Variants in CSPG4 observed in about 807,000 individuals in gnomAD.
CSPG4 encodes chondroitin sulfate proteoglycan 4 (melanoma-associated).
Under a neutral mutation model 139.3 loss-of-function variants are expected in CSPG4, and 74 were observed. That is an observed-to-expected ratio of 0.53 (90% confidence interval 0.44 to 0.64). CSPG4 has a LOEUF of 0.64. CSPG4 is among the 30% of genes least tolerant of loss of function. CSPG4 has a pLI of 0.00. For missense variants in CSPG4, 2,565 were observed against 3,148.3 expected (o/e 0.81, Z 4.43); for synonymous variants, 1,234 against 1,394.2 (o/e 0.89, Z 2.56).
At chr15:75,694,255 T>C (rs116369127) in intron 1 of CSPG4, among the ~76,000 whole-genome samples, 3,185 of 152,346 alleles carry the variant, frequency 0.021, 114 homozygotes, top group African/African-American at 0.071. Context: ...TGTCCCATAC[T>C]GGGACTCCTC....
At position 75,712,627 on chromosome 15, in the gene CSPG4, G is replaced by C. The variant is rs1894460895; in HGVS notation, c.88+41C>G. 3.3e-6 allele frequency: 5 copies of C among 1,534,550 alleles called. No homozygotes were observed. In the East Asian group the frequency reaches 1.2e-4, roughly 38 times the overall value. On this transcript the variant is annotated intron_variant, in intron 1 of 9. Transcript: ENST00000308508. ...TTTCCCTCCCGGAGGAACCCCTCTA[G>C]TTCCGCCAGGCTGGGTCGGGGTCTC...
chr15:75,677,317 CAA>C lies in CSPG4; in HGVS notation c.5200_5201del (p.Leu1734GlyfsTer12), dbSNP rs1473849001. The C allele has an allele frequency of 7.0e-7, 1 of 1,426,832 alleles. No individual in the cohort carries two copies. 88.4% of individuals were successfully genotyped at this position (1,426,832 alleles called of 1,614,324 possible). On this transcript the variant is annotated frameshift_variant, in exon 10 of 10. Coordinates refer to ENST00000308508, the MANE Select transcript of CSPG4 (RefSeq NM_001897.5). LOFTEE classifies it low-confidence loss of function (END_TRUNC). ...AGCGCTGGGGTGATGGAACGCTGGC[CAA>C]GAGATTGGAGGCATCCAGAGCAGCC... ...TVAALDASNL[L>X]ASVPSPQRSE...
rs754398286 is a variant in CSPG4 at position 75,688,381 on chromosome 15, C to T, written c.2684G>A (p.Gly895Asp). 1.9e-6 allele frequency: 3 copies of T among 1,613,354 alleles called. No homozygotes were observed. Among genetic ancestry groups the T allele is most frequent in the South Asian group, 2.2e-5 (2 of 91,080 alleles). The change falls in exon 3 of 10, where the codon GGT becomes GAT. Residue 895 changes from glycine (G) to aspartate (D), a missense_variant. This residue lies in a region of CSPG4 where 2,316 missense variants were observed against 2,818.2 expected (regional missense o/e 0.82). Coordinates refer to ENST00000308508, the MANE Select transcript of CSPG4 (RefSeq NM_001897.5). ...PLYTFPIHIG[G>D]DPDAPVLTNV... ...GGTGAGGACAGGCGCATCTGGGTCA[C>T]CACCAATGTGGATGGGGAAGGTATA... is the stretch of plus-strand genomic sequence containing the variant.
At chr15:75,700,947 T>C (rs1219982793) in intron 1 of CSPG4, among the ~76,000 whole-genome samples, 2 of 152,086 alleles carry the variant, frequency 1.3e-5, no homozygotes, top group East Asian at 3.9e-4. Context: ...CAGACAGAAG[T>C]CCATGTCCAG....
chr15:75,684,533 A>G (rs1894024624), intron 5 of CSPG4, among the ~76,000 whole-genome samples: 1 of 152,218 alleles, frequency 6.6e-6, no homozygotes, highest in Non-Finnish European at 1.5e-5. Flanking sequence ...CAAACATCCA[A>G]TAAAAAAACT....
Position 75,677,816 on chromosome 15 carries a change from A to G in CSPG4, c.5021T>C (p.Leu1674Pro). The G allele has an allele frequency of 6.2e-7, 1 of 1,612,328 alleles. No homozygotes were observed. The highest frequency in any genetic ancestry group is 8.5e-7 in the Non-Finnish European group (1 of 1,179,228). ...AGGCGGCGAGGACAGCTGGAGCTCT[A>G]GGGTATCATGGGCCTCCCAAAAGGG... ...PEPFWEAHDT[L>P]ELQLSSPPAR... The change falls in exon 9 of 10, where the codon CTA becomes CCA. Residue 1674 changes from leucine to proline, a missense_variant. This residue lies in a region of CSPG4 where 2,316 missense variants were observed against 2,818.2 expected (regional missense o/e 0.82). Transcript: ENST00000308508.
Position 75,687,906 on chromosome 15 carries a change from G to A in CSPG4, c.3159C>T (p.Asp1053=), listed in dbSNP as rs201069796. The A allele has an allele frequency of 1.4e-5, 23 of 1,612,950 alleles. 1 individual carries two copies. Among genetic ancestry groups the A allele is most frequent in the Middle Eastern group, 3.3e-4 (2 of 6,062 alleles). ...AFSDADSGFA[D]AQLVLTRKDL... The stretch of plus-strand genomic sequence containing the variant: ...CCTTGCGGGTAAGCACCAGCTGGGC[G>A]TCAGCAAAGCCCGAGTCAGCATCGC... The change falls in exon 3 of 10, where the codon GAC becomes GAT. Residue 1053 remains aspartate (D), a synonymous_variant. Coordinates refer to ENST00000308508, the MANE Select transcript of CSPG4 (RefSeq NM_001897.5). The surrounding 1 kb of genome is among the most constrained non-coding windows in gnomAD (Gnocchi z 5.4).
Position 75,689,698 on chromosome 15 carries a change from A to C in CSPG4, c.1367T>G (p.Leu456Arg), listed in dbSNP as rs1215107928. The change falls in exon 3 of 10, where the codon CTG becomes CGG. Residue 456 changes from leucine to arginine, a missense_variant. Physicochemically the swap from Leu to Arg is moderately radical, Grantham distance 102. Transcript: ENST00000308508. ...GCGCAGCTCAGCCTCCATCAGGTCCAGCGTGGGCTGCACATGCCTCCACTC... is the reference window on the plus strand; with the variant it reads ...GCGCAGCTCAGCCTCCATCAGGTCCCGCGTGGGCTGCACATGCCTCCACTC... Reference protein sequence around the residue: ...WLEWRHVQPTLDLMEAELRKS... With the variant: ...WLEWRHVQPTRDLMEAELRKS... 1 of 1,612,888 alleles carries C rather than the reference A, an allele frequency of 6.2e-7. No homozygotes were observed. The highest frequency in any genetic ancestry group is 8.5e-7 in the Non-Finnish European group (1 of 1,179,844).
intron 1 of CSPG4, among the ~76,000 whole-genome samples, chr15:75,701,181 A>G (rs1164770692): frequency 1.3e-5 from 2 of 152,318 alleles, no homozygotes; most frequent in Non-Finnish European, 2.9e-5. Flanking sequence ...CCACAGGTCT[A>G]GCCAGACTGG....
rs889996427 is a variant in CSPG4, at chr15:75,696,629, C to T, written c.89-3396G>A. Among the ~76,000 whole-genome samples the T allele has an allele frequency of 3.3e-5, 5 of 152,064 alleles. No homozygotes were observed. The East Asian group carries it at 5.8e-4, about 18-fold the overall frequency. ...GCTGGGCCTGGCTCCATGAAAGGGG[C>T]TGTGTGTTCTTGGAGGGTTCCTGCC... On this transcript the variant is annotated intron_variant, in intron 1 of 9. Transcript: ENST00000308508. The surrounding 1 kb of genome is among the most constrained non-coding windows in gnomAD (Gnocchi z 4.2).
At position 75,688,369 on chromosome 15, in the gene CSPG4, G is replaced by A. The variant is rs546450211; in HGVS notation, c.2696C>T (p.Ala899Val). ...FPIHIGGDPD[A>V]PVLTNVLLVV... ...GAGGAGGACATTGGTGAGGACAGGCGCATCTGGGTCACCACCAATGTGGAT... is the reference window on the plus strand; with the variant it reads ...GAGGAGGACATTGGTGAGGACAGGCACATCTGGGTCACCACCAATGTGGAT... The change falls in exon 3 of 10, where the codon GCG becomes GTG. Residue 899 changes from alanine (A) to valine (V), a missense_variant. Transcript: ENST00000308508. The A allele has an allele frequency of 1.2e-5, 20 of 1,613,358 alleles. No individual in the cohort carries two copies. Among genetic ancestry groups the A allele is most frequent in the East Asian group, 4.5e-5 (2 of 44,892 alleles).
intron 2 of CSPG4, 45 bp downstream of exon 2, chr15:75,693,025 A>G: frequency 1.1e-6 from 1 of 941,312 alleles, no homozygotes; most frequent in East Asian, 2.7e-5. Flanking sequence ...TAGAGAAGGA[A>G]TCCCACCCCG....
rs754919395 is a variant in CSPG4 at position 75,689,422 on chromosome 15, G to T, written c.1643C>A (p.Pro548His). The change falls in exon 3 of 10, where the codon CCT becomes CAT. Residue 548 changes from proline (P) to histidine (H), a missense_variant. Transcript: ENST00000308508. ...GATGATGTGGGGTGGGTCATTGACA[G>T]GGTTGACCTGGATGGGCAGGAGGTA... ...QTYLLPIQVN[P>H]VNDPPHIIFP... 5.5e-5 allele frequency: 88 copies of T among 1,612,670 alleles called. No homozygotes were observed. Among genetic ancestry groups the T allele is most frequent in the Non-Finnish European group, 7.1e-5 (84 of 1,179,864 alleles).
chr15:75,695,441 T>G (rs1894213373), intron 1 of CSPG4, among the ~76,000 whole-genome samples: 1 of 152,038 alleles, frequency 6.6e-6, no homozygotes, highest in Non-Finnish European at 1.5e-5. Context: ...CTGCTTCCTG[T>G]GGGGCTGAGC....
rs1410093833 is a variant in CSPG4, at chr15:75,685,300, C to A, written c.4191G>T (p.Val1397=). 6.3e-7 allele frequency: 1 copy of A among 1,588,280 alleles called. No individual in the cohort carries two copies. The highest frequency in any genetic ancestry group is 8.6e-7 in the Non-Finnish European group (1 of 1,165,028). The change falls in exon 4 of 10, where the codon GTG becomes GTT. Residue 1397 remains valine, a synonymous_variant. Transcript: ENST00000308508. ...GGGCTCCATGCTGGGGTGGCTCCAGCACCTGCAGGCTGAGGCCCAGGAGAG... is the reference window on the plus strand; with the variant it reads ...GGGCTCCATGCTGGGGTGGCTCCAGAACCTGCAGGCTGAGGCCCAGGAGAG... ...FPTLLGLSLQ[V]LEPPQHGALQ... is the part of the protein sequence containing the mutation.
Position 75,688,989 on chromosome 15 carries a change from G to A in CSPG4, c.2076C>T (p.Ala692=), listed in dbSNP as rs758931218. ...ACAGCACGCTCACATCCTGCCCCAC[G>A]GCATTGGTCTCCACCGACAGGTTGG... is the stretch of plus-strand genomic sequence containing the variant. ...LPANLSVETN[A]VGQDVSVLFR... is the part of the protein sequence containing the mutation. Residue 692 remains alanine, a synonymous_variant, in exon 3 of 10, where the codon GCC becomes GCT. Coordinates refer to ENST00000308508, the MANE Select transcript of CSPG4 (RefSeq NM_001897.5). The A allele has an allele frequency of 3.1e-6, 5 of 1,612,290 alleles. No homozygotes were observed. The highest frequency in any genetic ancestry group is 3.3e-5 in the Admixed American group (2 of 60,010).
At chr15:75,678,121 T>C (rs1157846633) in intron 8 of CSPG4, among the ~76,000 whole-genome samples, 1 of 152,108 alleles carries the variant, frequency 6.6e-6, no homozygotes, top group African/African-American at 2.4e-5. Context: ...CCTGGGGAAA[T>C]CGCCTAATTT....
rs534656269 is a variant in CSPG4 at position 75,687,557 on chromosome 15, C to T, written c.3508G>A (p.Ala1170Thr). 5.6e-6 allele frequency: 9 copies of T among 1,610,770 alleles called. No individual in the cohort carries two copies. In the Admixed American group the frequency reaches 6.7e-5, roughly 12 times the overall value. Reference protein sequence around the residue: ...SGDEVHYHVTAGPRWGQLVRA... With the variant: ...SGDEVHYHVTTGPRWGQLVRA... ...ACTAGCTGTCCCCAGCGAGGGCCAG[C>T]TGTGACGTGGTAGTGGACCTCATCC... The change falls in exon 3 of 10, where the codon GCT (alanine) becomes ACT (threonine). Residue 1170 changes from alanine (A) to threonine (T), a missense_variant. Coordinates refer to ENST00000308508, the MANE Select transcript of CSPG4 (RefSeq NM_001897.5). This position sits in a 1 kb window ranked among gnomAD's most constrained non-coding sequence, Gnocchi z 5.4.
chr15:75,693,808 G>A (rs1894194036), intron 1 of CSPG4, among the ~76,000 whole-genome samples: 1 of 152,260 alleles, frequency 6.6e-6, no homozygotes, highest in African/African-American at 2.4e-5. Flanking sequence ...ATCTGGGGGT[G>A]GTGTCAGCAT....
Sources: allele counts gnomAD v4.1 joint callset (sites outside exome capture counted in the v4.1 genomes callset), GRCh38; gene constraint gnomAD v4.1.1; regional missense constraint gnomAD v4.1.1; non-coding constraint Gnocchi (gnomAD v3.1); transcripts MANE v1.5; gene names NCBI Gene and HGNC (gene_info 2026-07-23, HGNC 2026-07-21).